Variants in GPC5 observed in about 807,000 individuals in gnomAD.
GPC5 encodes glypican-5.
In GPC5, 47 loss-of-function variants were observed where a neutral mutation model predicts 53.9. The observed-to-expected ratio is 0.87, with a 90% CI of 0.69 to 1.11. The LOEUF is 1.11. Ranked by LOEUF, GPC5 falls within the 50% of genes most tolerant of loss-of-function variation. GPC5 has a pLI of 0.00. For synonymous variants in GPC5, 286 were observed against 263.3 expected, an observed-to-expected ratio of 1.09 and a Z score of -0.84; for missense variants, 748 against 713.1, an observed-to-expected ratio of 1.05 and a Z score of -0.56.
At chr13:92,456,674 A>G (rs1878279261) in intron 7 of GPC5, among the ~76,000 whole-genome samples, 1 of 152,080 alleles carries the variant, frequency 6.6e-6, no homozygotes, top group Non-Finnish European at 1.5e-5. Flanking sequence ...TGAAGCCAGC[A>G]TTTCTGTCAC....
chr13:91,540,548 T>C (rs2029878877), intron 2 of GPC5, among the ~76,000 whole-genome samples: 1 of 152,176 alleles, frequency 6.6e-6, no homozygotes, highest in African/African-American at 2.4e-5. Flanking sequence ...GTGGTGATGG[T>C]TACAACACTG....
chr13:92,040,182 A>C (rs888707514), intron 6 of GPC5, among the ~76,000 whole-genome samples: 1 of 152,190 alleles, frequency 6.6e-6, no homozygotes, highest in Admixed American at 6.5e-5. Context: ...GGGGAAAAAA[A>C]TCAATTCCTA....
At chr13:91,704,574 T>C (rs985692763) in intron 3 of GPC5, among the ~76,000 whole-genome samples, 4 of 152,206 alleles carry the variant, frequency 2.6e-5, no homozygotes, top group Non-Finnish European at 4.4e-5. Flanking sequence ...CAGAACTCCA[T>C]GGCCACAGAA....
chr13:91,522,760 G>T (rs370888668), intron 2 of GPC5, among the ~76,000 whole-genome samples: 1 of 152,186 alleles, frequency 6.6e-6, no homozygotes, highest in South Asian at 2.1e-4. Flanking sequence ...GTGAGAACAT[G>T]TGGTGTTTGG....
In GPC5 at chr13:91,721,357, A is replaced by T. The variant is rs141373554; in HGVS notation, c.1021-7175A>T. 7.9e-5 allele frequency among the ~76,000 whole-genome samples: 12 copies of T among 152,026 alleles called. No individual in the cohort carries two copies. In the East Asian group the frequency reaches 2.3e-3, roughly 29 times the overall value. On this transcript the variant is annotated intron_variant, in intron 3 of 7. Coordinates refer to ENST00000377067, the MANE Select transcript of GPC5 (RefSeq NM_004466.6). The stretch of plus-strand genomic sequence containing the variant: ...ACCGTGTTGGCCAGGCTGGTGTCGA[A>T]CTCCTGACCTCATGCGATCTGCCTG...
intron 6 of GPC5, among the ~76,000 whole-genome samples, chr13:91,927,007 T>C (rs2039775704): frequency 6.6e-6 from 1 of 152,220 alleles, no homozygotes. Flanking sequence ...ACTGAAATCA[T>C]CGTATACAAA....
intron 7 of GPC5, among the ~76,000 whole-genome samples, chr13:92,421,200 G>T (rs1876543063): frequency 6.6e-6 from 1 of 152,144 alleles, no homozygotes; most frequent in Non-Finnish European, 1.5e-5. Flanking sequence ...AAATGTAAGA[G>T]ACAGTACTTT....
intron 7 of GPC5, among the ~76,000 whole-genome samples, chr13:92,498,735 C>T (rs1880077860): frequency 6.6e-6 from 1 of 152,104 alleles, no homozygotes; most frequent in Non-Finnish European, 1.5e-5. Context: ...TATATGTGCT[C>T]TTTCATCTAT....
intron 2 of GPC5, among the ~76,000 whole-genome samples, chr13:91,671,824 G>A (rs972718346): frequency 1.7e-5 from 2 of 120,072 alleles, no homozygotes; most frequent in East Asian, 2.7e-4. Context: ...GAGGCATCAC[G>A]CTACCAGACT....
Position 92,029,120 on chromosome 13 carries a change from C to T in GPC5, c.1402-115710C>T, listed in dbSNP as rs76372294. On this transcript the variant is annotated intron_variant, in intron 6 of 7. Transcript: ENST00000377067. ...TCTAATTTCTTGAAGATATTTTTTACTAGCTCAGTATCACCGTTTAGAAAT... is the reference window on the plus strand; with the variant it reads ...TCTAATTTCTTGAAGATATTTTTTATTAGCTCAGTATCACCGTTTAGAAAT... Among the ~76,000 whole-genome samples, 33 of 152,200 alleles carry T rather than the reference C, an allele frequency of 2.2e-4. No homozygotes were observed. In the East Asian group the frequency reaches 6.0e-3, roughly 28 times the overall value.
chr13:92,105,019 A>T (rs956920940), intron 6 of GPC5, among the ~76,000 whole-genome samples: 5 of 152,130 alleles, frequency 3.3e-5, no homozygotes, highest in African/African-American at 1.2e-4. Context: ...ATGATTGTTA[A>T]GGTATAAAGA....
intron 2 of GPC5, among the ~76,000 whole-genome samples, chr13:91,456,522 G>T (rs191068575): frequency 6.6e-6 from 1 of 151,614 alleles, no homozygotes; most frequent in Non-Finnish European, 1.5e-5. Flanking sequence ...GTATTTAAAT[G>T]ATTTTTTATT....
In GPC5 at chr13:91,401,890, G is replaced by C. The variant is rs560123338; in HGVS notation, c.163+2681G>C. On this transcript the variant is annotated intron_variant, in intron 1 of 7. Coordinates refer to ENST00000377067, the MANE Select transcript of GPC5 (RefSeq NM_004466.6). Reference sequence around the variant, plus strand: ...TGAGAAATGTAAAAAAGGAGAGAAGGTGTAAATGTGATTAGAATTAGAGAT... The same window carrying C: ...TGAGAAATGTAAAAAAGGAGAGAAGCTGTAAATGTGATTAGAATTAGAGAT... Among the ~76,000 whole-genome samples the C allele has an allele frequency of 2.0e-5, 3 of 152,282 alleles. No individual in the cohort carries two copies. In the South Asian group the frequency reaches 6.2e-4, roughly 32 times the overall value.
intron 7 of GPC5, among the ~76,000 whole-genome samples, chr13:92,469,922 TATC>T (rs1375687496): frequency 1.3e-5 from 2 of 152,150 alleles, no homozygotes. Flanking sequence ...GTTTTTTCTT[TATC>T]ATGACAAAGT....
chr13:91,432,756 C>T (rs1166796055), intron 1 of GPC5, among the ~76,000 whole-genome samples: 1 of 152,064 alleles, frequency 6.6e-6, no homozygotes, highest in Non-Finnish European at 1.5e-5. Context: ...CTCTAAATTA[C>T]AGCAGTATAT....
intron 7 of GPC5, among the ~76,000 whole-genome samples, chr13:92,626,666 G>T (rs942356245): frequency 6.6e-6 from 1 of 152,144 alleles, no homozygotes; most frequent in Non-Finnish European, 1.5e-5. Flanking sequence ...TTGGATTAAA[G>T]GTGGCCCAGC....
chr13:91,989,947 AC>A (rs1219544013), intron 6 of GPC5, among the ~76,000 whole-genome samples: 3 of 151,934 alleles, frequency 2.0e-5, no homozygotes, highest in Non-Finnish European at 2.9e-5. Flanking sequence ...AAAAAACTTC[AC>A]CCTTTTTGCT....
intron 6 of GPC5, among the ~76,000 whole-genome samples, chr13:91,953,644 C>A (rs2040047556): frequency 1.3e-5 from 2 of 152,114 alleles, no homozygotes; most frequent in Admixed American, 6.6e-5. Flanking sequence ...AGCTTATAAA[C>A]AAAATAACTT....
intron 5 of GPC5, among the ~76,000 whole-genome samples, chr13:91,775,710 C>A (rs2037700378): frequency 6.6e-6 from 1 of 152,152 alleles, no homozygotes; most frequent in African/African-American, 2.4e-5. Context: ...TCTGGCATCC[C>A]TTACACTTGA....
Sources: allele counts gnomAD v4.1 joint callset (sites outside exome capture counted in the v4.1 genomes callset), GRCh38; gene constraint gnomAD v4.1.1; transcripts MANE v1.5; gene names NCBI Gene and HGNC (gene_info 2026-07-23, HGNC 2026-07-21).